FARS2: variants seen among roughly 807,000 people sequenced by gnomAD.
FARS2 encodes the protein phenylalanyl-tRNA synthetase 2, mitochondrial.
FARS2 carries 40 observed loss-of-function variants against 46.4 expected under a neutral mutation model. That is an observed-to-expected ratio of 0.86 (90% confidence interval 0.67 to 1.12). FARS2 has a LOEUF of 1.12. Among genes scored for constraint, FARS2 ranks in the 50% most tolerant of loss-of-function variants. The pLI is 0.00. For missense variants in FARS2, 513 were observed against 567.9 expected, an observed-to-expected ratio of 0.90 and a Z score of 0.98; for synonymous variants, 234 against 214.9, an observed-to-expected ratio of 1.09 and a Z score of -0.78.
At chr6:5,480,064 C>G (rs1365821197) in intron 4 of FARS2, among the ~76,000 whole-genome samples, 1 of 152,148 alleles carries the variant, frequency 6.6e-6, no homozygotes, top group Non-Finnish European at 1.5e-5. Context: ...GATGCAGAGC[C>G]CTGTCCTCAG....
At chr6:5,452,708 A>G (rs1010597877) in intron 4 of FARS2, 1 of 152,202 alleles carries the variant, frequency 6.6e-6, no homozygotes, top group Non-Finnish European at 1.5e-5. Flanking sequence ...TGGAAGATAG[A>G]TTGGATGGAG....
intron 4 of FARS2, among the ~76,000 whole-genome samples, chr6:5,442,364 TC>T (rs561710711): frequency 1.3e-3 from 192 of 152,084 alleles, no homozygotes; most frequent in African/African-American, 4.3e-3. Context: ...CTTTTTCTGT[TC>T]TTTTTTTAAG....
At chr6:5,416,098 T>G (rs1762224198) in intron 3 of FARS2, among the ~76,000 whole-genome samples, 1 of 152,242 alleles carries the variant, frequency 6.6e-6, no homozygotes, top group Non-Finnish European at 1.5e-5. Flanking sequence ...CTCAGTCTTT[T>G]CATTAGTGTT....
At chr6:5,431,802 T>C in intron 4 of FARS2, 1 of 442,666 alleles carries the variant, frequency 2.3e-6, no homozygotes, top group South Asian at 1.7e-5. Context: ...TGATGGCTTC[T>C]AAATGTAATT....
intron 1 of FARS2, among the ~76,000 whole-genome samples, chr6:5,296,422 T>G (rs1254242467): frequency 3.9e-5 from 6 of 152,214 alleles, no homozygotes; most frequent in East Asian, 3.9e-4. Context: ...ATTACAGGCG[T>G]GCGCCACTGT....
chr6:5,541,957 A>T (rs1770664703), intron 4 of FARS2, among the ~76,000 whole-genome samples: 1 of 152,178 alleles, frequency 6.6e-6, no homozygotes, highest in African/African-American at 2.4e-5. Context: ...TCCAGACATT[A>T]CCATGGCATT....
chr6:5,552,073 C>T (rs940756021), intron 5 of FARS2, among the ~76,000 whole-genome samples: 2 of 152,100 alleles, frequency 1.3e-5, no homozygotes, highest in African/African-American at 4.8e-5. Flanking sequence ...ATTTTATATC[C>T]TATTTCGTCA....
At position 5,771,281 on chromosome 6, in the gene FARS2, C is replaced by T. The variant is rs1338510038; in HGVS notation, c.1218-10C>T. 1 of 1,614,022 alleles carries T rather than the reference C, an allele frequency of 6.2e-7. No homozygotes were observed. The highest frequency in any genetic ancestry group is 1.3e-5 in the African/African-American group (1 of 75,050). On this transcript the variant is annotated splice_polypyrimidine_tract_variant and intron_variant, in intron 6 of 6. Coordinates refer to ENST00000274680, the MANE Select transcript of FARS2 (RefSeq NM_006567.5). ...TCCCGCACTCACCTGTGTTCTCTTCCTCTCTGTAGGACGCACAAGACCAGC... is the reference window on the plus strand; with the variant it reads ...TCCCGCACTCACCTGTGTTCTCTTCTTCTCTGTAGGACGCACAAGACCAGC...
rs190631723 is a variant in FARS2 at position 5,401,282 on chromosome 6, G to A, written c.613-3260G>A. ...TATTATGCTTTTGAATTGAAATTTT[G>A]GTTGCTCTTTAGAAAGGTTATATTT... On this transcript the variant is annotated intron_variant, in intron 2 of 6. Coordinates refer to ENST00000274680, the MANE Select transcript of FARS2 (RefSeq NM_006567.5). Among the ~76,000 whole-genome samples the A allele has an allele frequency of 2.3e-3, 352 of 151,820 alleles. 2 individuals are homozygous for A. The highest frequency in any genetic ancestry group is 8.0e-3 in the African/African-American group (331 of 41,448).
chr6:5,725,185 G>A (rs555382267), intron 6 of FARS2, among the ~76,000 whole-genome samples: 102 of 152,376 alleles, frequency 6.7e-4, no homozygotes, highest in Non-Finnish European at 9.4e-4. Flanking sequence ...AGTTGAAAGA[G>A]AGGGTTAGTG....
chr6:5,564,792 A>G (rs189525219), intron 5 of FARS2, among the ~76,000 whole-genome samples: 7 of 152,302 alleles, frequency 4.6e-5, no homozygotes, highest in African/African-American at 1.4e-4. Context: ...TGGTGAGCCT[A>G]TCCTCTCGAG....
chr6:5,329,131 A>T (rs565699764), intron 1 of FARS2, among the ~76,000 whole-genome samples: 48 of 148,786 alleles, frequency 3.2e-4, no homozygotes, highest in Admixed American at 1.9e-3. Context: ...TTTCTATATT[A>T]AAAAAAAAAA....
At position 5,348,538 on chromosome 6, in the gene FARS2, A is replaced by C. The variant is rs940664405; in HGVS notation, c.-21-20012A>C. ...TTTTGAGACAGAGTTTCAAGTATATAGTACTAAATAAAACATAAGTAATCT... is the reference window on the plus strand; with the variant it reads ...TTTTGAGACAGAGTTTCAAGTATATCGTACTAAATAAAACATAAGTAATCT... On this transcript the variant is annotated intron_variant, in intron 1 of 6. Coordinates refer to ENST00000274680, the MANE Select transcript of FARS2 (RefSeq NM_006567.5). Among the ~76,000 whole-genome samples, 2 of 26,844 alleles carry C rather than the reference A, an allele frequency of 7.5e-5. 1 individual carries two copies. The highest frequency in any genetic ancestry group is 4.8e-4 in the African/African-American group (2 of 4,146). The allele number at this position is 26,844 out of a possible 152,430, so 17.6% of individuals were successfully genotyped here.
At chr6:5,422,359 G>T (rs1762598733) in intron 3 of FARS2, among the ~76,000 whole-genome samples, 1 of 150,270 alleles carries the variant, frequency 6.7e-6, no homozygotes, top group African/African-American at 2.5e-5. Context: ...TGCCTGTTTG[G>T]TTCTCTCTCT....
intron 2 of FARS2, among the ~76,000 whole-genome samples, chr6:5,387,278 C>T (rs7762167): frequency 0.025 from 3,757 of 152,182 alleles, 157 homozygotes; most frequent in African/African-American, 0.086. Context: ...ATATCCAAGA[C>T]GCGAGGAGAT....
chr6:5,541,272 A>G (rs1339715967), intron 4 of FARS2, among the ~76,000 whole-genome samples: 2 of 152,228 alleles, frequency 1.3e-5, no homozygotes, highest in Non-Finnish European at 2.9e-5. Flanking sequence ...AACTTACAGC[A>G]ATTTGACTTG....
At chr6:5,325,509 A>C in intron 1 of FARS2, among the ~76,000 whole-genome samples, 1 of 152,288 alleles carries the variant, frequency 6.6e-6, no homozygotes, top group East Asian at 1.9e-4. Flanking sequence ...AAGCACAAAG[A>C]ATCACTTAGT....
At chr6:5,544,167 T>C (rs1770808762) in intron 4 of FARS2, among the ~76,000 whole-genome samples, 1 of 152,204 alleles carries the variant, frequency 6.6e-6, no homozygotes, top group Non-Finnish European at 1.5e-5. Flanking sequence ...TGAGCTCCTT[T>C]AGGACTTCTC....
chr6:5,395,138 C>T (rs1760824078), intron 2 of FARS2, among the ~76,000 whole-genome samples: 1 of 152,086 alleles, frequency 6.6e-6, no homozygotes. Context: ...TCAACCTCTG[C>T]CTCATAGGTT....
Sources: allele counts gnomAD v4.1 joint callset (sites outside exome capture counted in the v4.1 genomes callset), GRCh38; gene constraint gnomAD v4.1.1; transcripts MANE v1.5; gene names NCBI Gene and HGNC (gene_info 2026-07-23, HGNC 2026-07-21).